Variants in COG4 observed in about 807,000 individuals in gnomAD.
COG4 encodes conserved oligomeric Golgi complex subunit 4.
In COG4, 65 loss-of-function variants were observed where a neutral mutation model predicts 95.1. The observed-to-expected ratio is 0.68, with a 90% CI of 0.56 to 0.84. The LOEUF is 0.84. Among genes scored for constraint, COG4 ranks in the 40% least tolerant of loss-of-function variants. COG4 has a pLI of 0.00. For missense variants in COG4, 1,045 were observed against 989.1 expected (o/e 1.06, Z -0.76); for synonymous variants, 421 against 374.8 (o/e 1.12, Z -1.42).
intron 14 of COG4, 50 bp from the exon 15 acceptor site, chr16:70,482,871 C>T (rs1372654464): frequency 4.3e-6 from 6 of 1,388,260 alleles, no homozygotes; most frequent in African/African-American, 2.8e-5. Flanking sequence ...ACGACTCATC[C>T]CTTCCCTCTC....
intron 10 of COG4, among the ~76,000 whole-genome samples, chr16:70,497,596 A>G (rs1334107210): frequency 6.6e-6 from 1 of 152,218 alleles, no homozygotes; most frequent in Non-Finnish European, 1.5e-5. Context: ...TTAGCCCTGC[A>G]GAGATCCATT....
At chr16:70,497,904 C>T in intron 10 of COG4, 33 bp downstream of exon 10, 1 of 1,252,908 alleles carries the variant, frequency 8.0e-7, no homozygotes, top group South Asian at 1.2e-5. Context: ...GGACCGGAAG[C>T]CCCATTTCCA....
intron 4 of COG4, 121 bp downstream of exon 4, chr16:70,514,214 A>C (rs1347961247): frequency 1.0e-6 from 1 of 1,004,478 alleles, no homozygotes; most frequent in Non-Finnish European, 1.5e-6. Flanking sequence ...CTCAAAAAAA[A>C]AGAAGAAAAA....
At chr16:70,507,204 C>G (rs2049596590) in intron 8 of COG4, among the ~76,000 whole-genome samples, 1 of 152,092 alleles carries the variant, frequency 6.6e-6, no homozygotes, top group Non-Finnish European at 1.5e-5. Flanking sequence ...TACCACCGTA[C>G]TGCAGTCTGG....
At chr16:70,515,451 C>T (rs868468246) in intron 3 of COG4, among the ~76,000 whole-genome samples, 11 of 152,112 alleles carry the variant, frequency 7.2e-5, no homozygotes, top group Middle Eastern at 3.4e-3. Context: ...TTTCGGAAGC[C>T]GAGGTGGGTG....
At position 70,480,915 on chromosome 16, in the gene COG4, C is replaced by A; in HGVS notation, c.*95G>T. 1 of 1,462,326 alleles carries A rather than the reference C, an allele frequency of 6.8e-7. No homozygotes were observed. The highest frequency in any genetic ancestry group is 9.5e-7 in the Non-Finnish European group (1 of 1,055,724). The allele number at this position is 1,462,326 out of a possible 1,614,324, so 90.6% of individuals were successfully genotyped here. A position where few individuals can be genotyped will look rare whatever the true frequency, so the allele number is the denominator to read the frequency against. On this transcript the variant is annotated 3_prime_UTR_variant, in exon 19 of 19. Coordinates refer to ENST00000323786, the MANE Select transcript of COG4 (RefSeq NM_015386.3). ...TAGAAAGGTCTGGGCTGTCAGATCT[C>A]CCCCAAGCCAGACAGCCTCGCTCAG... is the stretch of plus-strand genomic sequence containing the variant.
intron 3 of COG4, chr16:70,516,070 A>G (rs1233673520): frequency 4.4e-6 from 2 of 455,700 alleles, no homozygotes; most frequent in East Asian, 1.4e-4. Context: ...AATTTTGTTA[A>G]ATGTTTTCTT....
intron 9 of COG4, 62 bp from the exon 10 acceptor site, chr16:70,498,117 T>G: frequency 1.0e-6 from 1 of 977,434 alleles, no homozygotes; most frequent in South Asian, 1.3e-5. Flanking sequence ...GAGCAACTTT[T>G]TTCATTTTTT....
chr16:70,517,516 G>T, intron 3 of COG4, 110 bp downstream of exon 3: 1 of 688,382 alleles, frequency 1.5e-6, no homozygotes, highest in Non-Finnish European at 2.5e-6. Flanking sequence ...TGAGCCCAGG[G>T]AGTTGGGGCT....
rs1474325646 is a variant in COG4, at chr16:70,512,112, A to G, written c.738+127T>C. On this transcript the variant is annotated intron_variant, in intron 5 of 18. Coordinates refer to ENST00000323786, the MANE Select transcript of COG4 (RefSeq NM_015386.3). The stretch of plus-strand genomic sequence containing the variant: ...TGCATCCAGTCCTGCATGGCTACAC[A>G]GCAAGGGCAGGAAGGGGAGTCATAT... The G allele has an allele frequency of 1.3e-5, 12 of 891,388 alleles. No individual in the cohort carries two copies. The East Asian group carries it at 2.9e-4, about 21-fold the overall frequency. The allele number at this position is 891,388 out of a possible 1,614,324, so 55.2% of individuals were successfully genotyped here.
intron 15 of COG4, 46 bp from the exon 16 acceptor site, chr16:70,482,221 T>G: frequency 8.6e-7 from 1 of 1,160,082 alleles, no homozygotes; most frequent in Non-Finnish European, 1.3e-6. Context: ...TCATAAGAAG[T>G]ACCATTCATT....
intron 3 of COG4, among the ~76,000 whole-genome samples, chr16:70,517,375 C>T (rs1359988646): frequency 2.0e-5 from 3 of 151,506 alleles, no homozygotes; most frequent in Non-Finnish European, 4.4e-5. Flanking sequence ...ATAACTTGAG[C>T]CCAGGAGTTC....
At chr16:70,509,472 T>C (rs2049653428) in intron 6 of COG4, 84 bp from the exon 7 acceptor site, 2 of 1,468,456 alleles carry the variant, frequency 1.4e-6, no homozygotes, top group Admixed American at 3.6e-5. Flanking sequence ...TAACCGAAGG[T>C]CTAGCTCAAT....
In COG4 at chr16:70,510,042, C is replaced by T. The variant is rs190927041; in HGVS notation, c.739-21G>A. 169 of 1,592,532 alleles carry T rather than the reference C, an allele frequency of 1.1e-4. No homozygotes were observed. The African/African-American group carries it at 1.8e-3, about 17-fold the overall frequency. ...GCCACCTAAAAAAGGAGAAAACCCA[C>T]ACACATTCCTCAGAAAGGTCACCCT... On this transcript the variant is annotated intron_variant, in intron 5 of 18. Coordinates refer to ENST00000323786, the MANE Select transcript of COG4 (RefSeq NM_015386.3).
chr16:70,507,054 A>G (rs1249745216), intron 8 of COG4, among the ~76,000 whole-genome samples: 1 of 151,926 alleles, frequency 6.6e-6, no homozygotes, highest in East Asian at 1.9e-4. Flanking sequence ...TCGTCTCTAC[A>G]AAAAATACAA....
At position 70,483,912 on chromosome 16, in the gene COG4, A is replaced by G; in HGVS notation, c.1768T>C (p.Phe590Leu). The G allele has an allele frequency of 1.9e-6, 3 of 1,613,358 alleles. No homozygotes were observed. Among genetic ancestry groups the G allele is most frequent in the Non-Finnish European group, 2.5e-6 (3 of 1,180,018 alleles). Reference sequence around the variant, plus strand: ...GCCAAGTCAGAAAGGCAGCTGTCAAACTTGGCCTGGGCCTGCTCCCCTCCA... The same window carrying G: ...GCCAAGTCAGAAAGGCAGCTGTCAAGCTTGGCCTGGGCCTGCTCCCCTCCA... ...GIGGEQAQAK[F>L]DSCLSDLAAV... The change falls in exon 14 of 19, where the codon TTT becomes CTT. Residue 590 changes from phenylalanine (F) to leucine (L), a missense_variant. Phe to Leu is a conservative substitution (Grantham distance 22). Coordinates refer to ENST00000323786, the MANE Select transcript of COG4 (RefSeq NM_015386.3).
intron 12 of COG4, among the ~76,000 whole-genome samples, chr16:70,494,599 C>T (rs1040597638): frequency 1.3e-5 from 2 of 152,028 alleles, no homozygotes; most frequent in Admixed American, 6.6e-5. Flanking sequence ...GTTTTGGAGA[C>T]ATGTAGTCAA....
chr16:70,495,740 T>C (rs1297003553), intron 12 of COG4, among the ~76,000 whole-genome samples: 3 of 152,264 alleles, frequency 2.0e-5, no homozygotes, highest in Non-Finnish European at 2.9e-5. Flanking sequence ...CTTTCCAAGC[T>C]GTCACACAAT....
chr16:70,498,922 G>A (rs1207297769), intron 9 of COG4, among the ~76,000 whole-genome samples: 2 of 152,120 alleles, frequency 1.3e-5, no homozygotes, highest in Admixed American at 6.5e-5. Context: ...CTGTGATAAT[G>A]AAAATATTCT....
Sources: allele counts gnomAD v4.1 joint callset (sites outside exome capture counted in the v4.1 genomes callset), GRCh38; gene constraint gnomAD v4.1.1; transcripts MANE v1.5; gene names NCBI Gene and HGNC (gene_info 2026-07-23, HGNC 2026-07-21).